Variants in PXDN observed in about 807,000 individuals in gnomAD.
PXDN encodes the protein peroxidasin, also known as peroxidasin homolog.
In PXDN, 77 loss-of-function variants were observed where a neutral mutation model predicts 140.3. The observed-to-expected ratio is 0.55, with a 90% CI of 0.46 to 0.66. The LOEUF (loss-of-function observed/expected upper bound fraction) is 0.66, where lower values mean the gene tolerates loss of function less well. PXDN is among the 30% of genes least tolerant of loss of function. The pLI, the probability that PXDN is intolerant of heterozygous loss-of-function variation, is 0.00. For missense variants in PXDN, 1,838 were observed against 2,039.5 expected, an observed-to-expected ratio of 0.90 and a Z score of 1.90; for synonymous variants, 911 against 857.4, an observed-to-expected ratio of 1.06 and a Z score of -1.09.
chr2:1,693,089 G>T lies in PXDN; in HGVS notation c.246C>A (p.Phe82Leu). 1 of 1,558,898 alleles carries T rather than the reference G, an allele frequency of 6.4e-7. No homozygotes were observed. Among genetic ancestry groups the T allele is most frequent in the Non-Finnish European group, 8.7e-7 (1 of 1,149,458 alleles). ...ATGTGTTCAAGTTCCTCAGCCGCCT[G>T]AATGCCCCAGGTTGGATCTCTCTGA... ...NRIREIQPGA[F>L]RRLRNLNTLL... The change falls in exon 2 of 23, where the codon TTC becomes TTA. Residue 82 changes from phenylalanine (F) to leucine (L), a missense_variant. Transcript: ENST00000252804.
chr2:1,733,838 A>C (rs1212515915), intron 1 of PXDN, among the ~76,000 whole-genome samples: 2 of 151,562 alleles, frequency 1.3e-5, no homozygotes, highest in African/African-American at 4.8e-5. Context: ...AAGGCAAGGT[A>C]AAGAAAGCAC....
At chr2:1,652,133 A>G (rs1420090765) in intron 16 of PXDN, among the ~76,000 whole-genome samples, 1 of 152,194 alleles carries the variant, frequency 6.6e-6, no homozygotes, top group Non-Finnish European at 1.5e-5. Flanking sequence ...CACAATGGAC[A>G]TGCAATTCCT....
chr2:1,658,934 G>A (rs1400342859), intron 14 of PXDN, among the ~76,000 whole-genome samples: 13 of 152,026 alleles, frequency 8.6e-5, no homozygotes, highest in Admixed American at 3.9e-4. Flanking sequence ...GGTTCCTCAC[G>A]GACTCCTCAC....
rs529988207 is a variant in PXDN at position 1,663,069 on chromosome 2, A to G, written c.1567+536T>C. ...TCAGTGCTACGCTGATTCTATCGGGAGGGATATGAGGTTGTGGGGATTCTT... is the reference window on the plus strand; with the variant it reads ...TCAGTGCTACGCTGATTCTATCGGGGGGGATATGAGGTTGTGGGGATTCTT... On this transcript the variant is annotated intron_variant, in intron 12 of 22. Transcript: ENST00000252804. Among the ~76,000 whole-genome samples, 5 of 152,224 alleles carry G rather than the reference A, an allele frequency of 3.3e-5. No homozygotes were observed. The East Asian group carries it at 7.8e-4, about 24-fold the overall frequency.
At chr2:1,656,102 CACAA>C (rs374758387) in intron 14 of PXDN, among the ~76,000 whole-genome samples, 15 of 151,978 alleles carry the variant, frequency 9.9e-5, no homozygotes, top group East Asian at 1.9e-4. Flanking sequence ...ACACAACACA[CACAA>C]ACACACACCC....
chr2:1,662,945 C>T (rs1683340132), intron 12 of PXDN, among the ~76,000 whole-genome samples: 1 of 152,192 alleles, frequency 6.6e-6, no homozygotes, highest in South Asian at 2.1e-4. Flanking sequence ...ACCTGGATTA[C>T]TCAGCTCTGG....
chr2:1,649,800 C>T lies in PXDN; in HGVS notation c.2105-125G>A, dbSNP rs1466857537. The T allele has an allele frequency of 2.1e-5, 24 of 1,117,934 alleles. No individual in the cohort carries two copies. The highest frequency in any genetic ancestry group is 4.0e-5 in the Admixed American group (2 of 49,924). 69.3% of individuals were successfully genotyped at this position (1,117,934 alleles called of 1,614,324 possible). A position where few individuals can be genotyped will look rare whatever the true frequency, so the allele number is the denominator to read the frequency against. On this transcript the variant is annotated intron_variant, in intron 16 of 22. Transcript: ENST00000252804. This position sits in a 1 kb window ranked among gnomAD's most constrained non-coding sequence, Gnocchi z 7.1. ...CCCCCAGCTCATGAAACCTGTTGTGCGCCATGCAACAAGCGCTTCCTGCTG... is the reference window on the plus strand; with the variant it reads ...CCCCCAGCTCATGAAACCTGTTGTGTGCCATGCAACAAGCGCTTCCTGCTG...
intron 4 of PXDN, among the ~76,000 whole-genome samples, chr2:1,686,230 G>A (rs545172968): frequency 1.3e-5 from 2 of 152,142 alleles, no homozygotes; most frequent in Non-Finnish European, 2.9e-5. Flanking sequence ...GGCGGGGCTC[G>A]GGCTGCCCTC....
At chr2:1,725,995 T>G (rs1685173165) in intron 1 of PXDN, among the ~76,000 whole-genome samples, 1 of 150,828 alleles carries the variant, frequency 6.6e-6, no homozygotes, top group Admixed American at 6.6e-5. Context: ...GTAAACTAGT[T>G]CAACCCTTGT....
At position 1,658,040 on chromosome 2, in the gene PXDN, CT is replaced by C. The variant is rs1377752042; in HGVS notation, c.1837+2840del. Among the ~76,000 whole-genome samples the C allele has an allele frequency of 3.3e-4, 17 of 52,240 alleles. 1 individual carries two copies. The highest frequency in any genetic ancestry group is 1.1e-3 in the African/African-American group (11 of 10,386). The allele number at this position is 52,240 out of a possible 152,430, so 34.3% of individuals were successfully genotyped here. On this transcript the variant is annotated intron_variant, in intron 14 of 22. Transcript: ENST00000252804. ...TTTCAGCTGTGGGCTCTCTCTCTCTCTCTCTCTCTCTCTCTCTCTCTCTCTC... is the reference window on the plus strand; with the variant it reads ...TTTCAGCTGTGGGCTCTCTCTCTCTCCTCTCTCTCTCTCTCTCTCTCTCTC...
chr2:1,722,755 A>AG lies in PXDN; in HGVS notation c.200+21500dup, dbSNP rs1284956892. 2.0e-5 allele frequency among the ~76,000 whole-genome samples: 3 copies of AG among 152,268 alleles called. No homozygotes were observed. In the South Asian group the frequency reaches 6.2e-4, roughly 32 times the overall value. ...TCCAACACTATTCTTAAAATATGGG[A>AG]GGGGGGTACGAGGAAGCAGGGACAG... On this transcript the variant is annotated intron_variant, in intron 1 of 22. Coordinates refer to ENST00000252804, the MANE Select transcript of PXDN (RefSeq NM_012293.3).
At chr2:1,637,855 T>C in intron 21 of PXDN, among the ~76,000 whole-genome samples, 1 of 11,512 alleles carries the variant, frequency 8.7e-5, no homozygotes, top group African/African-American at 1.5e-4. Context: ...CTGTCCACTC[T>C]GACAGCTGCC....
At chr2:1,710,751 A>T (rs1572182127) in intron 1 of PXDN, among the ~76,000 whole-genome samples, 1 of 68,750 alleles carries the variant, frequency 1.5e-5, no homozygotes, top group African/African-American at 6.6e-5. Flanking sequence ...CACCCACTCC[A>T]CCAGCACCCA....
intron 9 of PXDN, among the ~76,000 whole-genome samples, chr2:1,673,221 C>G (rs992260079): frequency 6.6e-6 from 1 of 152,148 alleles, no homozygotes; most frequent in Non-Finnish European, 1.5e-5. Flanking sequence ...GGATAAAAAT[C>G]TAGATTTGTG....
intron 1 of PXDN, among the ~76,000 whole-genome samples, chr2:1,719,866 G>C (rs924443038): frequency 6.7e-6 from 1 of 149,242 alleles, no homozygotes; most frequent in African/African-American, 2.5e-5. Flanking sequence ...GTGTGTGTGT[G>C]TGTGTGTGAA....
At position 1,685,329 on chromosome 2, in the gene PXDN, G is replaced by A. The variant is rs537250230; in HGVS notation, c.417-1178C>T. Reference sequence around the variant, plus strand: ...CTGGAGCAGGAAGACAAGGAAAACCGCCGTGGGCGAGCATGACGGGCGGGC... The same window carrying A: ...CTGGAGCAGGAAGACAAGGAAAACCACCGTGGGCGAGCATGACGGGCGGGC... On this transcript the variant is annotated intron_variant, in intron 4 of 22. Coordinates refer to ENST00000252804, the MANE Select transcript of PXDN (RefSeq NM_012293.3). This position sits in a 1 kb window ranked among gnomAD's most constrained non-coding sequence, Gnocchi z 5.1. Among the ~76,000 whole-genome samples the A allele has an allele frequency of 1.1e-4, 16 of 152,370 alleles. No individual in the cohort carries two copies. The South Asian group carries it at 1.9e-3, about 18-fold the overall frequency.
At chr2:1,663,523 A>G in intron 12 of PXDN, 82 bp downstream of exon 12, 1 of 1,547,520 alleles carries the variant, frequency 6.5e-7, no homozygotes, top group Non-Finnish European at 8.8e-7. Context: ...GAAGAGTAAC[A>G]CTAATGTCAG....
intron 1 of PXDN, among the ~76,000 whole-genome samples, chr2:1,727,320 T>C (rs916247104): frequency 6.6e-6 from 1 of 152,102 alleles, no homozygotes; most frequent in African/African-American, 2.4e-5. Context: ...GCCTCATATT[T>C]CAGTTTATCG....
chr2:1,662,574 G>C (rs527721303), intron 12 of PXDN, among the ~76,000 whole-genome samples: 1 of 152,324 alleles, frequency 6.6e-6, no homozygotes, highest in South Asian at 2.1e-4. Context: ...AAGCTCTGGG[G>C]AGAGCCCGAC....
Sources: gnomAD v4.1 joint callset for allele counts (sites outside exome capture counted in the v4.1 genomes callset) on GRCh38, gnomAD v4.1.1 for gene constraint, Gnocchi (gnomAD v3.1) non-coding constraint, MANE v1.5 for transcripts, NCBI Gene and HGNC (gene_info 2026-07-23, HGNC 2026-07-21) for gene names.